Variants in CMIP observed in about 807,000 individuals in gnomAD.
CMIP encodes C-Maf-inducing protein.
A neutral mutation model predicts 97.3 loss-of-function variants in CMIP; 13 were observed. The ratio of observed to expected loss-of-function variants is 0.13; its 90% CI spans 0.09 to 0.21. The LOEUF (loss-of-function observed/expected upper bound fraction) is 0.21, where lower values mean the gene tolerates loss of function less well. Among genes scored for constraint, CMIP ranks in the 10% least tolerant of loss-of-function variants. The pLI is 1.00. For missense variants in CMIP, 847 were observed against 1,024.9 expected, an observed-to-expected ratio of 0.83 and a Z score of 2.37; for synonymous variants, 538 against 436.3, an observed-to-expected ratio of 1.23 and a Z score of -2.91.
chr16:81,710,446 TGGC>T lies in CMIP; in HGVS notation c.*649_*651del. ...ACCCCACCGCCCTCCCGCCCCCACC[TGGC>T]GTGTAGTACTGTATAAACCAGTCAG... On this transcript the variant is annotated 3_prime_UTR_variant, in exon 21 of 21. Coordinates refer to ENST00000537098, the MANE Select transcript of CMIP (RefSeq NM_198390.3). 8.5e-5 allele frequency: 1 copy of T among 11,750 alleles called. No homozygotes were observed. The highest frequency in any genetic ancestry group is 2.1e-3 in the South Asian group (1 of 466). The allele number at this position is 11,750 out of a possible 1,614,324, so 0.7% of individuals were successfully genotyped here. A position where few individuals can be genotyped will look rare whatever the true frequency, so the allele number is the denominator to read the frequency against.
intron 1 of CMIP, among the ~76,000 whole-genome samples, chr16:81,458,309 G>A (rs550522804): frequency 6.6e-6 from 1 of 152,322 alleles, no homozygotes; most frequent in East Asian, 1.9e-4. Flanking sequence ...AGGTTCTGGA[G>A]TTGGCATGCA....
chr16:81,503,042 C>T (rs1844327413), intron 1 of CMIP, among the ~76,000 whole-genome samples: 1 of 152,158 alleles, frequency 6.6e-6, no homozygotes, highest in Admixed American at 6.5e-5. Flanking sequence ...CTACTCTGGC[C>T]TCCTCGTTGA....
At chr16:81,562,285 A>C (rs1230656117) in intron 1 of CMIP, among the ~76,000 whole-genome samples, 1 of 152,222 alleles carries the variant, frequency 6.6e-6, no homozygotes, top group Non-Finnish European at 1.5e-5. Flanking sequence ...GCAGAGGTCC[A>C]TGCCTGCCCA....
At position 81,705,568 on chromosome 16, in the gene CMIP, A is replaced by G; in HGVS notation, c.2161A>G (p.Thr721Ala). The G allele has an allele frequency of 6.2e-7, 1 of 1,608,182 alleles. No homozygotes were observed. The highest frequency in any genetic ancestry group is 8.5e-7 in the Non-Finnish European group (1 of 1,178,252). Residue 721 changes from threonine to alanine, a missense_variant, in exon 19 of 21, where the codon ACC becomes GCC. Coordinates refer to ENST00000537098, the MANE Select transcript of CMIP (RefSeq NM_198390.3). ...GCTCCAGGTGCTGAACCTGTGCGAG[A>G]CCCCGGTCACAGACGCTGGCCTGCT... Reference protein sequence around the residue: ...TMLQVLNLCETPVTDAGLLAL... With the variant: ...TMLQVLNLCEAPVTDAGLLAL...
Position 81,703,845 on chromosome 16 carries a change from G to A in CMIP, c.1945-94G>A, listed in dbSNP as rs954129144. 6.1e-6 allele frequency: 9 copies of A among 1,471,774 alleles called. No individual in the cohort carries two copies. In the Admixed American group the frequency reaches 1.5e-4, roughly 24 times the overall value. The allele number at this position is 1,471,774 out of a possible 1,614,324, so 91.2% of individuals were successfully genotyped here. Reference sequence around the variant, plus strand: ...GCCCCCCAGGAACAGCTCTCTGTAGGGCGAGGGGAGAGGAGGAGGATAGGG... The same window carrying A: ...GCCCCCCAGGAACAGCTCTCTGTAGAGCGAGGGGAGAGGAGGAGGATAGGG... On this transcript the variant is annotated intron_variant, in intron 17 of 20. Transcript: ENST00000537098.
chr16:81,628,473 T>C (rs755966308), intron 3 of CMIP, among the ~76,000 whole-genome samples: 2 of 152,196 alleles, frequency 1.3e-5, no homozygotes, highest in Non-Finnish European at 2.9e-5. Flanking sequence ...GGTGAATCCT[T>C]ACAGCCCTGA....
intron 3 of CMIP, among the ~76,000 whole-genome samples, chr16:81,641,801 C>T (rs751778887): frequency 1.3e-5 from 2 of 152,184 alleles, no homozygotes; most frequent in Non-Finnish European, 2.9e-5. Context: ...ACCGAGGAGG[C>T]GAGGCTCAAC....
intron 1 of CMIP, among the ~76,000 whole-genome samples, chr16:81,508,193 G>A (rs187016733): frequency 6.6e-6 from 1 of 152,298 alleles, no homozygotes; most frequent in East Asian, 1.9e-4. Flanking sequence ...TTCATATGAT[G>A]CACAGCTCAG....
At chr16:81,462,926 C>A (rs1031525575) in intron 1 of CMIP, among the ~76,000 whole-genome samples, 3 of 152,060 alleles carry the variant, frequency 2.0e-5, no homozygotes, top group Non-Finnish European at 4.4e-5. Flanking sequence ...TGATGACCAA[C>A]GATTAAAGAA....
intron 1 of CMIP, among the ~76,000 whole-genome samples, chr16:81,446,762 G>A (rs981825050): frequency 6.6e-6 from 1 of 152,162 alleles, no homozygotes; most frequent in Non-Finnish European, 1.5e-5. Flanking sequence ...TTCCCTTGGC[G>A]GTGTGTCACA....
At chr16:81,450,313 T>G (rs1906129827) in intron 1 of CMIP, among the ~76,000 whole-genome samples, 1 of 152,164 alleles carries the variant, frequency 6.6e-6, no homozygotes, top group African/African-American at 2.4e-5. Flanking sequence ...ATCTCCTCTG[T>G]GGGGGAGAAC....
intron 1 of CMIP, among the ~76,000 whole-genome samples, chr16:81,564,699 T>C (rs2090948148): frequency 6.6e-6 from 1 of 152,190 alleles, no homozygotes; most frequent in Admixed American, 6.5e-5. Flanking sequence ...TGGGTGATTC[T>C]GATGCTGATG....
chr16:81,705,343 A>C (rs1453368826), intron 18 of CMIP, among the ~76,000 whole-genome samples, 156 bp from the exon 19 acceptor site: 1 of 152,222 alleles, frequency 6.6e-6, no homozygotes, highest in Non-Finnish European at 1.5e-5. Flanking sequence ...GGGATTGTTT[A>C]GGGGACGTGA....
intron 3 of CMIP, among the ~76,000 whole-genome samples, chr16:81,635,257 C>T (rs2092219664): frequency 6.6e-6 from 1 of 151,424 alleles, no homozygotes; most frequent in Admixed American, 6.6e-5. Context: ...TCTGGGTGGC[C>T]TTGGTCAAGA....
intron 20 of CMIP, among the ~76,000 whole-genome samples, 194 bp downstream of exon 20, chr16:81,707,278 C>T (rs760552844): frequency 1.7e-4 from 26 of 152,320 alleles, no homozygotes; most frequent in Non-Finnish European, 3.7e-4. Flanking sequence ...ATAGGAAGGC[C>T]TGTGTGGCCT....
chr16:81,475,413 T>G (rs1907842589), intron 1 of CMIP, among the ~76,000 whole-genome samples: 1 of 152,222 alleles, frequency 6.6e-6, no homozygotes, highest in Non-Finnish European at 1.5e-5. Context: ...TGCCCCGACT[T>G]TGATGTTTAT....
At chr16:81,582,837 G>T (rs751461869) in intron 1 of CMIP, among the ~76,000 whole-genome samples, 7 of 152,130 alleles carry the variant, frequency 4.6e-5, no homozygotes, top group Non-Finnish European at 1.0e-4. Context: ...CAAAGTCGGC[G>T]GGGGTAAAAC....
At chr16:81,558,390 C>G (rs906297775) in intron 1 of CMIP, among the ~76,000 whole-genome samples, 8 of 152,230 alleles carry the variant, frequency 5.3e-5, no homozygotes, top group Non-Finnish European at 8.8e-5. Flanking sequence ...GGGTCTGTAC[C>G]TGGAAATGGA....
Position 81,576,372 on chromosome 16 carries a change from C to G in CMIP, c.301-31195C>G, listed in dbSNP as rs181351851. Among the ~76,000 whole-genome samples the G allele has an allele frequency of 2.6e-3, 400 of 152,120 alleles. 1 individual carries two copies. The highest frequency in any genetic ancestry group is 5.4e-3 in the South Asian group (26 of 4,820). On this transcript the variant is annotated intron_variant, in intron 1 of 20. Coordinates refer to ENST00000537098, the MANE Select transcript of CMIP (RefSeq NM_198390.3). ...TGAGCTGAGATCACGTCACTGAACTCCAGTCTGGGTGACAGAGCAAGACTC... is the reference window on the plus strand; with the variant it reads ...TGAGCTGAGATCACGTCACTGAACTGCAGTCTGGGTGACAGAGCAAGACTC...
Sources: gnomAD v4.1 joint callset for allele counts (sites outside exome capture counted in the v4.1 genomes callset) on GRCh38, gnomAD v4.1.1 for gene constraint, MANE v1.5 for transcripts, NCBI Gene and HGNC (gene_info 2026-07-23, HGNC 2026-07-21) for gene names.